Variants in ST6GAL2 observed in about 807,000 individuals in gnomAD.
The protein encoded by ST6GAL2 is beta-galactoside alpha-2,6-sialyltransferase 2.
A neutral mutation model predicts 37.5 loss-of-function variants in ST6GAL2; 24 were observed. That is an observed-to-expected ratio of 0.64 (90% CI 0.46 to 0.90). ST6GAL2 has a LOEUF of 0.90. Ranked by LOEUF, ST6GAL2 falls within the 40% of genes least tolerant of loss-of-function variation. The pLI is 0.00. For synonymous variants in ST6GAL2, 306 were observed against 295.1 expected (o/e 1.04, Z -0.38); for missense variants, 715 against 712.7 (o/e 1.00, Z -0.04).
chr2:106,863,661 G>A (rs965290503), intron 1 of ST6GAL2, among the ~76,000 whole-genome samples: 5 of 152,140 alleles, frequency 3.3e-5, no homozygotes, highest in Non-Finnish European at 7.3e-5. Context: ...GCTAAAGGTA[G>A]GACCTGGCAC....
chr2:106,843,363 G>C lies in ST6GAL2; in HGVS notation c.615C>G (p.Tyr205Ter). The change falls in exon 2 of 6, where the codon TAC (tyrosine) becomes TAG (stop). Residue 205 changes from tyrosine to a stop codon, truncating the protein, a stop_gained. Coordinates refer to ENST00000409382, the MANE Select transcript of ST6GAL2 (RefSeq NM_001142351.2). LOFTEE classifies it high-confidence loss of function. The part of the protein sequence containing the change: ...LYSSMSRAFL[Y>*]RLWKGNVSSK... ...AAGAGACGTTCCCCTTCCAGAGCCG[G>C]TACAGGAAGGCCCTGGACATGGAGG... is the stretch of plus-strand genomic sequence containing the variant. 1 of 1,614,138 alleles carries C rather than the reference G, an allele frequency of 6.2e-7. No individual in the cohort carries two copies. Among genetic ancestry groups the C allele is most frequent in the Non-Finnish European group, 8.5e-7 (1 of 1,180,020 alleles).
In ST6GAL2 at chr2:106,805,217, T is replaced by C. The variant is rs1238582628; in HGVS notation, c.*1461A>G. The C allele has an allele frequency of 1.3e-5, 2 of 152,202 alleles. No homozygotes were observed. The highest frequency in any genetic ancestry group is 4.8e-5 in the African/African-American group (2 of 41,452). The allele number at this position is 152,202 out of a possible 1,614,324, so 9.4% of individuals were successfully genotyped here. A position where few individuals can be genotyped will look rare whatever the true frequency, so the allele number is the denominator to read the frequency against. ...CTAAACTCTCCTGACATTCATACAT[T>C]TTGCAAGGGAGAACGCATTTAATTA... On this transcript the variant is annotated 3_prime_UTR_variant, in exon 6 of 6. Coordinates refer to ENST00000409382, the MANE Select transcript of ST6GAL2 (RefSeq NM_001142351.2).
intron 4 of ST6GAL2, among the ~76,000 whole-genome samples, chr2:106,831,574 G>A (rs1422302298): frequency 2.0e-5 from 3 of 152,224 alleles, no homozygotes; most frequent in Non-Finnish European, 4.4e-5. Flanking sequence ...ATACATTGAG[G>A]CTATATATAT....
intron 1 of ST6GAL2, among the ~76,000 whole-genome samples, chr2:106,879,202 TTC>T (rs1289549894): frequency 6.6e-6 from 1 of 152,202 alleles, no homozygotes; most frequent in Non-Finnish European, 1.5e-5. Context: ...ACCCTGCCTC[TTC>T]TGTGTATGTA....
At chr2:106,876,684 T>C (rs1285417730) in intron 1 of ST6GAL2, among the ~76,000 whole-genome samples, 1 of 152,192 alleles carries the variant, frequency 6.6e-6, no homozygotes, top group Non-Finnish European at 1.5e-5. Flanking sequence ...TATAGGTATA[T>C]TCAATTTATG....
chr2:106,865,093 A>G (rs1056286612), intron 1 of ST6GAL2, among the ~76,000 whole-genome samples: 1 of 152,220 alleles, frequency 6.6e-6, no homozygotes, highest in Non-Finnish European at 1.5e-5. Flanking sequence ...CACCACACAG[A>G]TACAATAAAA....
chr2:106,806,809 A>AGAGTAGTGG lies in ST6GAL2; in HGVS notation c.1450_1458dup (p.Pro484_Leu486dup), dbSNP rs1573194628. On this transcript the variant is annotated inframe_insertion, in exon 6 of 6. Coordinates refer to ENST00000409382, the MANE Select transcript of ST6GAL2 (RefSeq NM_001142351.2). ...AGGCGCTGCACCAGGAGCTTCTCAT[A>AGAGTAGTGG]GAGTAGTGGGTGGTACGCCCCGAGG... 6.2e-7 allele frequency: 1 copy of AGAGTAGTGG among 1,614,166 alleles called. No individual in the cohort carries two copies. Among genetic ancestry groups the AGAGTAGTGG allele is most frequent in the South Asian group, 1.1e-5 (1 of 91,074 alleles).
Position 106,843,037 on chromosome 2 carries a change from A to G in ST6GAL2, c.941T>C (p.Ile314Thr). The change falls in exon 2 of 6, where the codon ATA (isoleucine) becomes ACA (threonine). Residue 314 changes from isoleucine (I) to threonine (T), a missense_variant and splice_region_variant. By Grantham distance (89) the Ile-to-Thr change is moderately conservative (BLOSUM62 -1). Coordinates refer to ENST00000409382, the MANE Select transcript of ST6GAL2 (RefSeq NM_001142351.2). ...CTGGTCCCCCCGCTGAGACCTACCT[A>G]TTTCCTCGCCCAAGGAAGAGTTGAG... is the stretch of plus-strand genomic sequence containing the variant. ...AILNSSLGEE[I>T]DSHDAVLRFN... The G allele has an allele frequency of 7.1e-7, 1 of 1,418,128 alleles. No individual in the cohort carries two copies. Among genetic ancestry groups the G allele is most frequent in the Non-Finnish European group, 9.2e-7 (1 of 1,083,290 alleles). The allele number at this position is 1,418,128 out of a possible 1,614,324, so 87.8% of individuals were successfully genotyped here.
At chr2:106,807,924 T>C (rs1023975192) in intron 5 of ST6GAL2, among the ~76,000 whole-genome samples, 2 of 152,144 alleles carry the variant, frequency 1.3e-5, no homozygotes, top group Admixed American at 6.6e-5. Context: ...GCGCCAGGCC[T>C]GAGTACATTT....
At chr2:106,861,216 A>T (rs1677783764) in intron 1 of ST6GAL2, among the ~76,000 whole-genome samples, 1 of 152,218 alleles carries the variant, frequency 6.6e-6, no homozygotes, top group Admixed American at 6.5e-5. Context: ...AGAATCACAA[A>T]GCCTGAGGAA....
chr2:106,835,304 A>C (rs1415891620), intron 2 of ST6GAL2, among the ~76,000 whole-genome samples: 1 of 152,218 alleles, frequency 6.6e-6, no homozygotes, highest in Non-Finnish European at 1.5e-5. Flanking sequence ...ATAGTCCCCG[A>C]GCCCGCACAA....
intron 1 of ST6GAL2, among the ~76,000 whole-genome samples, chr2:106,867,900 C>T (rs1275174113): frequency 6.6e-6 from 1 of 152,124 alleles, no homozygotes; most frequent in Non-Finnish European, 1.5e-5. Flanking sequence ...CCTCTCCCTC[C>T]CCCCACAAAA....
intron 2 of ST6GAL2, 134 bp downstream of exon 2, chr2:106,842,901 C>T: frequency 3.6e-6 from 2 of 550,928 alleles, no homozygotes; most frequent in Non-Finnish European, 5.8e-6. Flanking sequence ...GAATCTCCAG[C>T]TAATATTAGG....
chr2:106,856,436 G>A (rs1157916048), intron 1 of ST6GAL2, among the ~76,000 whole-genome samples: 8 of 152,160 alleles, frequency 5.3e-5, no homozygotes, highest in African/African-American at 1.9e-4. Flanking sequence ...TCAAGATCTA[G>A]ACTTGAGTGT....
intron 1 of ST6GAL2, among the ~76,000 whole-genome samples, chr2:106,871,252 TATC>T (rs1678255747): frequency 6.6e-6 from 1 of 152,188 alleles, no homozygotes; most frequent in Non-Finnish European, 1.5e-5. Flanking sequence ...ATAGGACACT[TATC>T]ATAAATGGAA....
In ST6GAL2 at chr2:106,806,914, G is replaced by A. The variant is rs755359262; in HGVS notation, c.1354C>T (p.His452Tyr). ...ACGGATGGGATATATTCATACACGT[G>A]CACCTCTCTGCACATGGACATCATT... is the stretch of plus-strand genomic sequence containing the variant. ...LIMMSMCREV[H>Y]VYEYIPSVRQ... Residue 452 changes from histidine to tyrosine, a missense_variant, in exon 6 of 6, where the codon CAC becomes TAC. Transcript: ENST00000409382. 6.2e-7 allele frequency: 1 copy of A among 1,613,656 alleles called. No individual in the cohort carries two copies. The highest frequency in any genetic ancestry group is 1.1e-5 in the South Asian group (1 of 91,042).
intron 1 of ST6GAL2, among the ~76,000 whole-genome samples, chr2:106,869,863 C>A (rs922552374): frequency 6.6e-6 from 1 of 152,164 alleles, no homozygotes; most frequent in Non-Finnish European, 1.5e-5. Context: ...TTCCTGACAC[C>A]AAGCAGGACT....
intron 1 of ST6GAL2, among the ~76,000 whole-genome samples, chr2:106,881,843 T>C (rs1175884539): frequency 1.3e-5 from 2 of 151,842 alleles, no homozygotes; most frequent in African/African-American, 2.4e-5. Flanking sequence ...TATTGCAGAG[T>C]TTTTCTTTAC....
intron 1 of ST6GAL2, among the ~76,000 whole-genome samples, chr2:106,855,455 A>C (rs1454297530): frequency 1.3e-5 from 2 of 152,368 alleles, no homozygotes; most frequent in Admixed American, 1.3e-4. Context: ...CAAAACAAAC[A>C]TACAGAACTA....
Sources: allele counts gnomAD v4.1 joint callset (sites outside exome capture counted in the v4.1 genomes callset), GRCh38; gene constraint gnomAD v4.1.1; transcripts MANE v1.5; gene names NCBI Gene and HGNC (gene_info 2026-07-23, HGNC 2026-07-21).